The following SAMD4B variants were observed in gnomAD, a reference collection of about 807,000 sequenced individuals.
The protein encoded by SAMD4B is sterile alpha motif domain containing 4B.
A neutral mutation model predicts 74.5 loss-of-function variants in SAMD4B; 5 were observed. That is an observed-to-expected ratio of 0.07 (90% CI 0.04 to 0.14). SAMD4B has a LOEUF of 0.14. SAMD4B is among the 10% of genes least tolerant of loss of function. The pLI, the probability that SAMD4B is intolerant of heterozygous loss-of-function variation, is 1.00. For missense variants in SAMD4B, 608 were observed against 921.8 expected (o/e 0.66, Z 4.41); for synonymous variants, 373 against 374.9 (o/e 1.00, Z 0.06).
At chr19:39,380,870 C>T in intron 11 of SAMD4B, 85 bp downstream of exon 11, 1 of 1,511,750 alleles carries the variant, frequency 6.6e-7, no homozygotes, top group Non-Finnish European at 8.9e-7. Flanking sequence ...TACTCTGTGT[C>T]TGGACCCAGC....
intron 1 of SAMD4B, among the ~76,000 whole-genome samples, chr19:39,345,008 A>G (rs556518026): frequency 3.7e-4 from 57 of 152,288 alleles, no homozygotes; most frequent in African/African-American, 1.3e-3. Context: ...TTCCTGGCCC[A>G]GCAGCAGCCA....
rs1245303122 is a variant in SAMD4B at position 39,381,086 on chromosome 19, C to T, written c.1945C>T (p.Pro649Ser). 1 of 1,612,312 alleles carries T rather than the reference C, an allele frequency of 6.2e-7. No homozygotes were observed. The highest frequency in any genetic ancestry group is 1.7e-5 in the Admixed American group (1 of 59,886). The change falls in exon 12 of 14, where the codon CCC becomes TCC. Residue 649 changes from proline (P) to serine (S), a missense_variant. By Grantham distance (74) the Pro-to-Ser change is moderately conservative (BLOSUM62 -1). Coordinates refer to ENST00000610417, the MANE Select transcript of SAMD4B (RefSeq NM_001384574.2). ...CCACTCGCTCCCGGTCCACTCGTCA[C>T]CCCAGGCCATTCTCATGTTCCCTCC... ...RTHSLPVHSS[P>S]QAILMFPPDC...
chr19:39,353,614 C>G (rs889644623), intron 1 of SAMD4B, among the ~76,000 whole-genome samples: 4 of 151,758 alleles, frequency 2.6e-5, no homozygotes, highest in African/African-American at 9.7e-5. Context: ...TTCTTGTTTT[C>G]TTTTTGAGAT....
At chr19:39,382,155 G>T (rs62119723) in intron 12 of SAMD4B, among the ~76,000 whole-genome samples, 1,838 of 152,294 alleles carry the variant, frequency 0.012, 11 homozygotes, top group Non-Finnish European at 0.019. Context: ...ACTTGATGAG[G>T]TTGTGTAGAC....
intron 1 of SAMD4B, among the ~76,000 whole-genome samples, chr19:39,347,421 C>G (rs1051222798): frequency 1.6e-4 from 25 of 152,162 alleles, no homozygotes; most frequent in Non-Finnish European, 4.4e-5. Flanking sequence ...GCCAAATAGG[C>G]CTGTGATTCC....
chr19:39,364,694 T>C (rs2076851982), intron 3 of SAMD4B, among the ~76,000 whole-genome samples: 1 of 152,208 alleles, frequency 6.6e-6, no homozygotes, highest in South Asian at 2.1e-4. Flanking sequence ...TTTGATCCAG[T>C]GCCAGGTGGA....
At chr19:39,379,128 TC>T (rs1459585265) in intron 9 of SAMD4B, among the ~76,000 whole-genome samples, 1 of 151,652 alleles carries the variant, frequency 6.6e-6, no homozygotes, top group African/African-American at 2.4e-5. Context: ...CCTCAAGTGA[TC>T]CTTCCACCTC....
At chr19:39,347,926 TG>T (rs372104918) in intron 1 of SAMD4B, among the ~76,000 whole-genome samples, 1 of 151,974 alleles carries the variant, frequency 6.6e-6, no homozygotes, top group African/African-American at 2.4e-5. Context: ...TATATTCTGA[TG>T]GGGGGAGGAA....
chr19:39,352,763 G>C (rs1000714486), intron 1 of SAMD4B, among the ~76,000 whole-genome samples: 2 of 151,702 alleles, frequency 1.3e-5, no homozygotes, highest in Non-Finnish European at 2.9e-5. Flanking sequence ...GGTGGGTGGA[G>C]GGGGGGAACA....
chr19:39,378,429 G>A lies in SAMD4B; in HGVS notation c.1445-75G>A, dbSNP rs1401077541. The A allele has an allele frequency of 6.0e-6, 8 of 1,336,998 alleles. No individual in the cohort carries two copies. The Admixed American group carries it at 6.9e-5, about 11-fold the overall frequency. The allele number at this position is 1,336,998 out of a possible 1,614,324, so 82.8% of individuals were successfully genotyped here. ...GAGTCTCCTGTTCCTTCTTGTGCAC[G>A]AGCCAGCTGGAGGCTGGAACATGGC... is the stretch of plus-strand genomic sequence containing the variant. On this transcript the variant is annotated intron_variant, in intron 8 of 13. Coordinates refer to ENST00000610417, the MANE Select transcript of SAMD4B (RefSeq NM_001384574.2). The surrounding 1 kb of genome is among the most constrained non-coding windows in gnomAD (Gnocchi z 4.4).
intron 12 of SAMD4B, 71 bp downstream of exon 12, chr19:39,381,184 C>T (rs533123353): frequency 6.7e-7 from 1 of 1,502,436 alleles, no homozygotes; most frequent in African/African-American, 1.4e-5. Context: ...TCTCCTGGGT[C>T]TCATGTCCAC....
At position 39,370,118 on chromosome 19, in the gene SAMD4B, A is replaced by G. The variant is rs781753890; in HGVS notation, c.660A>G (p.Ala220=). The G allele has an allele frequency of 3.1e-5, 49 of 1,585,056 alleles. No individual in the cohort carries two copies. The highest frequency in any genetic ancestry group is 4.2e-5 in the Non-Finnish European group (49 of 1,165,840). ...CCATCAACAGTATTGGGAGCAATGC[A>G]AACACAGGTAAGTGGCGGGGGTGTC... ...PPAINSIGSN[A]NTGLPCQIHP... The change falls in exon 4 of 14, where the codon GCA becomes GCG. Residue 220 remains alanine, a synonymous_variant. Coordinates refer to ENST00000610417, the MANE Select transcript of SAMD4B (RefSeq NM_001384574.2).
chr19:39,386,536 C>G, downstream of SAMD4B: 1 of 1,614,204 alleles, frequency 6.2e-7, no homozygotes, highest in Non-Finnish European at 8.5e-7. The surrounding 1 kb of genome is among the most constrained non-coding windows in gnomAD (Gnocchi z 6.1). Flanking sequence ...TCTTCCTCCT[C>G]CGGTTCGTGG....
rs1475957813 is a variant in SAMD4B, at chr19:39,375,924, C to T, written c.907+35C>T. On this transcript the variant is annotated intron_variant, in intron 5 of 13. Transcript: ENST00000610417. The surrounding 1 kb of genome is among the most constrained non-coding windows in gnomAD (Gnocchi z 4.1). ...GGACAGCAGCACCAGGACCCTTTTC[C>T]AGGGGCTTCTGCAGAGCTTAGAGGA... The T allele has an allele frequency of 3.1e-6, 5 of 1,590,890 alleles. No homozygotes were observed. The highest frequency in any genetic ancestry group is 4.3e-6 in the Non-Finnish European group (5 of 1,171,992).
intron 9 of SAMD4B, among the ~76,000 whole-genome samples, chr19:39,379,327 G>A (rs560806179): frequency 1.3e-5 from 2 of 152,274 alleles, no homozygotes; most frequent in East Asian, 1.9e-4. Flanking sequence ...GTCAGCAACA[G>A]TACCCTTTCC....
At chr19:39,343,982 A>G (rs1446991113) in intron 1 of SAMD4B, among the ~76,000 whole-genome samples, 12 of 52,820 alleles carry the variant, frequency 2.3e-4, no homozygotes, top group Admixed American at 2.3e-4. Context: ...GGTTTTCAGG[A>G]CCCCCCCCCC....
intron 1 of SAMD4B, among the ~76,000 whole-genome samples, chr19:39,349,409 T>C (rs1020276020): frequency 1.3e-5 from 2 of 152,058 alleles, no homozygotes; most frequent in African/African-American, 4.8e-5. Flanking sequence ...TATTCCAGAG[T>C]TTACCGGAGC....
chr19:39,389,991 G>A (rs2078338874), downstream of SAMD4B: 1 of 1,232,344 alleles, frequency 8.1e-7, no homozygotes, highest in Admixed American at 1.7e-5. The surrounding 1 kb of genome is among the most constrained non-coding windows in gnomAD (Gnocchi z 5.3). Flanking sequence ...GCCCTGAGCA[G>A]ACAGCAGCCA....
rs762536344 is a variant in SAMD4B, at chr19:39,370,052, T to C, written c.594T>C (p.Asn198=). The C allele has an allele frequency of 6.2e-7, 1 of 1,612,122 alleles. No individual in the cohort carries two copies. The highest frequency in any genetic ancestry group is 2.2e-5 in the East Asian group (1 of 44,740). The part of the protein sequence containing the change: ...PGWQDKPPRE[N]GHVPFHPSSS... ...GGCAGGACAAGCCACCCCGGGAAAA[T>C]GGACACGTGCCCTTCCACCCATCCA... is the stretch of plus-strand genomic sequence containing the variant. The change falls in exon 4 of 14, where the codon AAT becomes AAC. Residue 198 remains asparagine (N), a synonymous_variant. Coordinates refer to ENST00000610417, the MANE Select transcript of SAMD4B (RefSeq NM_001384574.2).
Sources: gnomAD v4.1 joint callset for allele counts (sites outside exome capture counted in the v4.1 genomes callset) on GRCh38, gnomAD v4.1.1 for gene constraint, Gnocchi (gnomAD v3.1) non-coding constraint, MANE v1.5 for transcripts, NCBI Gene and HGNC (gene_info 2026-07-23, HGNC 2026-07-21) for gene names.